PDE4D: variants seen among roughly 807,000 people sequenced by gnomAD.
PDE4D encodes 3',5'-cyclic-AMP phosphodiesterase 4D.
A neutral mutation model predicts 87.4 loss-of-function variants in PDE4D; 24 were observed. The ratio of observed to expected loss-of-function variants is 0.27; its 90% confidence interval spans 0.20 to 0.39. The LOEUF is 0.39. Among genes scored for constraint, PDE4D ranks in the 10% least tolerant of loss-of-function variants. The pLI, the probability that PDE4D is intolerant of heterozygous loss-of-function variation, is 1.00. For synonymous variants in PDE4D, 384 were observed against 383.2 expected (o/e 1.00, Z -0.02); for missense variants, 714 against 1,041.0 (o/e 0.69, Z 4.32).
At chr5:59,428,410 C>G (rs1014596532) in intron 1 of PDE4D, among the ~76,000 whole-genome samples, 2 of 152,000 alleles carry the variant, frequency 1.3e-5, no homozygotes, top group Non-Finnish European at 2.9e-5. Context: ...CTTTCCCTCC[C>G]TCCCTTCCAT....
At chr5:59,424,621 G>T (rs1273199116) in intron 1 of PDE4D, among the ~76,000 whole-genome samples, 1 of 152,064 alleles carries the variant, frequency 6.6e-6, no homozygotes, top group Non-Finnish European at 1.5e-5. Flanking sequence ...AAAACCATCA[G>T]ATTTCAGAGT....
intron 1 of PDE4D, chr5:59,586,301 C>A: frequency 6.5e-7 from 1 of 1,528,374 alleles, no homozygotes; most frequent in Non-Finnish European, 9.1e-7. Context: ...CTGAGTTTTA[C>A]AAACTGAAGG....
rs775052548 is a variant in PDE4D, at chr5:58,999,844, C to G, written c.922-6379G>C. The G allele has an allele frequency of 3.0e-6, 3 of 989,198 alleles. No individual in the cohort carries two copies. The East Asian group carries it at 3.2e-4, about 107-fold the overall frequency. The allele number at this position is 989,198 out of a possible 1,614,324, so 61.3% of individuals were successfully genotyped here. A position where few individuals can be genotyped will look rare whatever the true frequency, so the allele number is the denominator to read the frequency against. ...ATCTAAGGGTCTGCATCTTTCTCTCCCGAGCTCCAGGGCTTAATGAATAAT... is the reference window on the plus strand; with the variant it reads ...ATCTAAGGGTCTGCATCTTTCTCTCGCGAGCTCCAGGGCTTAATGAATAAT... On this transcript the variant is annotated intron_variant, in intron 6 of 14. Coordinates refer to ENST00000340635, the MANE Select transcript of PDE4D (RefSeq NM_001104631.2).
chr5:59,183,428 G>C (rs1742139400), intron 4 of PDE4D, among the ~76,000 whole-genome samples: 1 of 152,114 alleles, frequency 6.6e-6, no homozygotes, highest in South Asian at 2.1e-4. Context: ...ACAGGCCTCA[G>C]ATCGTCTCTG....
At chr5:59,658,560 T>A (rs1744749763) in intron 1 of PDE4D, among the ~76,000 whole-genome samples, 1 of 152,106 alleles carries the variant, frequency 6.6e-6, no homozygotes, top group Non-Finnish European at 1.5e-5. Flanking sequence ...TTTTTGTATT[T>A]TTAGTAGAGA....
chr5:59,139,525 T>C (rs1777591517), intron 5 of PDE4D, among the ~76,000 whole-genome samples: 1 of 152,176 alleles, frequency 6.6e-6, no homozygotes. Flanking sequence ...GGTCTCACTG[T>C]CGCCTAGGCT....
At chr5:60,232,454 A>G (rs1745929818) in intron 1 of PDE4D, among the ~76,000 whole-genome samples, 1 of 151,864 alleles carries the variant, frequency 6.6e-6, no homozygotes, top group Admixed American at 6.6e-5. Context: ...CTGGCACTGC[A>G]GCATCAGTCT....
intron 1 of PDE4D, among the ~76,000 whole-genome samples, chr5:59,704,052 G>A (rs1753011305): frequency 2.0e-5 from 3 of 152,006 alleles, no homozygotes; most frequent in Admixed American, 6.6e-5. Flanking sequence ...CCTCCAGCTC[G>A]AAAAATTTGA....
chr5:60,138,903 A>T (rs1021897523), intron 2 of PDE4D, among the ~76,000 whole-genome samples: 2 of 152,124 alleles, frequency 1.3e-5, no homozygotes, highest in Non-Finnish European at 2.9e-5. Flanking sequence ...TGCGTTCAGG[A>T]TAGTGAAATT....
At chr5:59,894,216 TGCCCCGGA>T (rs1391280051), upstream of PDE4D, among the ~76,000 whole-genome samples, 1 of 152,150 alleles carries the variant, frequency 6.6e-6, no homozygotes, top group Admixed American at 6.5e-5. Flanking sequence ...TGCTCCCCAC[TGCCCCGGA>T]GCCTTCCTCT....
chr5:60,471,786 A>AT, intron 1 of PDE4D, among the ~76,000 whole-genome samples: 1 of 152,338 alleles, frequency 6.6e-6, no homozygotes, highest in African/African-American at 2.4e-5. Flanking sequence ...AGTATACTAG[A>AT]AATGTAACTT....
At chr5:59,971,850 A>G (rs541803012) in intron 3 of PDE4D, among the ~76,000 whole-genome samples, 3 of 152,182 alleles carry the variant, frequency 2.0e-5, no homozygotes, top group Admixed American at 6.5e-5. Flanking sequence ...ATTTGCAAAC[A>G]ATAGAAATGA....
intron 1 of PDE4D, among the ~76,000 whole-genome samples, chr5:59,524,766 G>A (rs930054627): frequency 1.3e-5 from 2 of 152,134 alleles, no homozygotes; most frequent in Non-Finnish European, 2.9e-5. Context: ...GTGCAACCCT[G>A]CATCCCAGCT....
At chr5:59,674,230 A>C (rs1747691379) in intron 1 of PDE4D, among the ~76,000 whole-genome samples, 1 of 152,200 alleles carries the variant, frequency 6.6e-6, no homozygotes, top group South Asian at 2.1e-4. Flanking sequence ...TACAGATATC[A>C]ATAGGATAAG....
At chr5:59,468,887 G>A (rs1232894564) in intron 1 of PDE4D, among the ~76,000 whole-genome samples, 1 of 152,116 alleles carries the variant, frequency 6.6e-6, no homozygotes, top group African/African-American at 2.4e-5. Context: ...ATTGAGATAT[G>A]CCAGACACTG....
At chr5:60,305,066 C>CA (rs34614665) in intron 1 of PDE4D, among the ~76,000 whole-genome samples, 33,904 of 150,126 alleles carry the variant, frequency 0.23, 4,901 homozygotes, top group Non-Finnish European at 0.32. Flanking sequence ...CACACACACA[C>CA]ACACAACACA....
intron 1 of PDE4D, among the ~76,000 whole-genome samples, chr5:59,606,528 C>T (rs1828226354): frequency 6.6e-6 from 1 of 151,980 alleles, no homozygotes. Flanking sequence ...TGCCCATGGA[C>T]CTGGAGAGTA....
At chr5:59,793,107 T>C (rs775908059) in intron 1 of PDE4D, among the ~76,000 whole-genome samples, 3 of 152,178 alleles carry the variant, frequency 2.0e-5, no homozygotes, top group African/African-American at 2.4e-5. Flanking sequence ...GACTGCAGAC[T>C]CAGGAGTCCC....
At chr5:59,204,063 T>C (rs547374499) in intron 2 of PDE4D, among the ~76,000 whole-genome samples, 1 of 152,308 alleles carries the variant, frequency 6.6e-6, no homozygotes, top group South Asian at 2.1e-4. Context: ...GTTAATTGCT[T>C]GATTTAATCA....
Sources: gnomAD v4.1 joint callset for allele counts (sites outside exome capture counted in the v4.1 genomes callset) on GRCh38, gnomAD v4.1.1 for gene constraint, MANE v1.5 for transcripts, NCBI Gene and HGNC (gene_info 2026-07-23, HGNC 2026-07-21) for gene names.